MAPK4: variants seen among roughly 807,000 people sequenced by gnomAD.
The protein encoded by MAPK4 is mitogen-activated protein kinase 4, also known as Erk3-related.
A neutral mutation model predicts 47.7 loss-of-function variants in MAPK4; 22 were observed. The ratio of observed to expected loss-of-function variants is 0.46; its 90% CI spans 0.33 to 0.66. The LOEUF (loss-of-function observed/expected upper bound fraction) is 0.66, where lower values mean the gene tolerates loss of function less well. MAPK4 is among the 30% of genes least tolerant of loss of function. MAPK4 has a pLI of 0.02. For synonymous variants in MAPK4, 390 were observed against 365.7 expected (o/e 1.07, Z -0.76); for missense variants, 736 against 831.7 (o/e 0.88, Z 1.42).
At chr18:50,652,364 C>T (rs931656067) in intron 1 of MAPK4, among the ~76,000 whole-genome samples, 8 of 152,258 alleles carry the variant, frequency 5.3e-5, no homozygotes, top group South Asian at 2.1e-4. Context: ...TTAGCCTCCC[C>T]GGGAATAGTA....
chr18:50,711,840 T>C (rs1006941156), intron 2 of MAPK4, among the ~76,000 whole-genome samples: 1 of 142,980 alleles, frequency 7.0e-6, no homozygotes, highest in African/African-American at 2.5e-5. Context: ...TTTTTTTTTT[T>C]GTAGAAAATT....
rs1909120501 is a variant in MAPK4 at position 50,689,986 on chromosome 18, T to C, written c.547-25093T>C. Reference sequence around the variant, plus strand: ...GGTCCTAGAATCTGGTCATCCTTATTAGAAAGGGGTCCTAGAGGTCTCATA... The same window carrying C: ...GGTCCTAGAATCTGGTCATCCTTATCAGAAAGGGGTCCTAGAGGTCTCATA... On this transcript the variant is annotated intron_variant, in intron 2 of 5. Coordinates refer to ENST00000400384, the MANE Select transcript of MAPK4 (RefSeq NM_002747.4). Among the ~76,000 whole-genome samples the C allele has an allele frequency of 3.3e-5, 5 of 152,156 alleles. No homozygotes were observed. In the East Asian group the frequency reaches 9.6e-4, roughly 29 times the overall value.
intron 1 of MAPK4, among the ~76,000 whole-genome samples, chr18:50,633,398 C>A (rs2042850561): frequency 6.6e-6 from 1 of 152,190 alleles, no homozygotes; most frequent in Non-Finnish European, 1.5e-5. Flanking sequence ...CCTGTTGTGG[C>A]AGAAGGGTTT....
At chr18:50,631,051 GCA>G (rs1051919830) in intron 1 of MAPK4, among the ~76,000 whole-genome samples, 12 of 152,338 alleles carry the variant, frequency 7.9e-5, no homozygotes, top group Admixed American at 7.2e-4. Context: ...TCGCTGATGT[GCA>G]CAGAGTGGTG....
chr18:50,721,912 T>C (rs374917929), intron 3 of MAPK4, 26 bp from the exon 4 acceptor site: 10 of 1,613,280 alleles, frequency 6.2e-6, no homozygotes, highest in Non-Finnish European at 8.5e-6. Context: ...GACAGCACAC[T>C]TAACCATCTG....
intron 1 of MAPK4, among the ~76,000 whole-genome samples, chr18:50,601,032 C>T (rs2042532816): frequency 6.7e-6 from 1 of 148,570 alleles, no homozygotes; most frequent in Non-Finnish European, 1.5e-5. Context: ...CCGAGGTGGG[C>T]AGATCACTTG....
intron 1 of MAPK4, among the ~76,000 whole-genome samples, chr18:50,569,167 A>G (rs1379250720): frequency 1.3e-5 from 2 of 152,204 alleles, no homozygotes; most frequent in Non-Finnish European, 2.9e-5. Flanking sequence ...TTGAAAAAAT[A>G]TATGTAAGAA....
intron 2 of MAPK4, among the ~76,000 whole-genome samples, chr18:50,698,417 A>G (rs1431415501): frequency 2.0e-5 from 3 of 152,232 alleles, no homozygotes; most frequent in Admixed American, 6.5e-5. Flanking sequence ...TGTTAATTAC[A>G]TGAAACAAGT....
At position 50,636,954 on chromosome 18, in the gene MAPK4, G is replaced by A. The variant is rs145174716; in HGVS notation, c.-870-26135G>A. Among the ~76,000 whole-genome samples, 1,435 of 152,018 alleles carry A rather than the reference G, an allele frequency of 9.4e-3. 16 individuals carry two copies. The highest frequency in any genetic ancestry group is 0.015 in the Non-Finnish European group (1,006 of 67,900). On this transcript the variant is annotated intron_variant, in intron 1 of 5. Coordinates refer to ENST00000400384, the MANE Select transcript of MAPK4 (RefSeq NM_002747.4). ...GCCCAGAATCAATTTCCCAACTCCT[G>A]TCACAGCCTCCTGCTTGCTTCTGTT...
At chr18:50,596,299 C>T (rs2042481199) in intron 1 of MAPK4, among the ~76,000 whole-genome samples, 1 of 152,144 alleles carries the variant, frequency 6.6e-6, no homozygotes, top group African/African-American at 2.4e-5. Flanking sequence ...TGTGCTTCTT[C>T]CGCCTGTGCT....
chr18:50,597,253 A>G (rs2149370282), intron 1 of MAPK4, among the ~76,000 whole-genome samples: 1 of 152,332 alleles, frequency 6.6e-6, no homozygotes. Context: ...AACCCACAGG[A>G]AAGGTCTCTT....
chr18:50,718,668 CTT>C (rs1910764648), intron 3 of MAPK4, among the ~76,000 whole-genome samples: 1 of 152,210 alleles, frequency 6.6e-6, no homozygotes. Context: ...GCTAGTCACT[CTT>C]TCATTCATGA....
chr18:50,681,489 C>T (rs1468411676), intron 2 of MAPK4, among the ~76,000 whole-genome samples: 5 of 152,036 alleles, frequency 3.3e-5, no homozygotes, highest in Non-Finnish European at 7.4e-5. Context: ...TCTAAGAAAC[C>T]ACTGTCTAAT....
intron 1 of MAPK4, among the ~76,000 whole-genome samples, chr18:50,567,712 A>G (rs534502453): frequency 1.4e-4 from 21 of 147,274 alleles, no homozygotes; most frequent in African/African-American, 5.4e-4. Context: ...ATTTTTCTAT[A>G]GAATTTTTTA....
chr18:50,667,856 C>T (rs987269277), intron 2 of MAPK4, among the ~76,000 whole-genome samples: 12 of 152,130 alleles, frequency 7.9e-5, no homozygotes, highest in Non-Finnish European at 1.3e-4. Context: ...GCTGGGTGTC[C>T]CCCAATTCAA....
chr18:50,659,355 G>A (rs2043144520), intron 1 of MAPK4, among the ~76,000 whole-genome samples: 1 of 152,248 alleles, frequency 6.6e-6, no homozygotes, highest in South Asian at 2.1e-4. Flanking sequence ...GTGTTCAGGA[G>A]AGGGGAAGAA....
intron 1 of MAPK4, among the ~76,000 whole-genome samples, chr18:50,563,935 A>G (rs1227524851): frequency 1.3e-5 from 2 of 152,174 alleles, no homozygotes; most frequent in Non-Finnish European, 2.9e-5. Flanking sequence ...AAGCCTCATA[A>G]TGGAATGAAA....
chr18:50,708,999 A>G (rs979753168), intron 2 of MAPK4, among the ~76,000 whole-genome samples: 1 of 152,184 alleles, frequency 6.6e-6, no homozygotes, highest in African/African-American at 2.4e-5. Flanking sequence ...ATCATGTTGC[A>G]TAGATTTCTG....
At chr18:50,629,271 G>A (rs2042808220) in intron 1 of MAPK4, 1 of 152,240 alleles carries the variant, frequency 6.6e-6, no homozygotes, top group South Asian at 2.1e-4. Flanking sequence ...CCAAGCGGTA[G>A]CAGAAAGCTC....
Sources: allele counts gnomAD v4.1 joint callset (sites outside exome capture counted in the v4.1 genomes callset), GRCh38; gene constraint gnomAD v4.1.1; transcripts MANE v1.5; gene names NCBI Gene and HGNC (gene_info 2026-07-23, HGNC 2026-07-21).